ANAPC5: variants seen among roughly 807,000 people sequenced by gnomAD.
The protein encoded by ANAPC5 is anaphase promoting complex subunit 5, also known as anaphase-promoting complex subunit 5.
ANAPC5 carries 60 observed loss-of-function variants against 91.3 expected under a neutral mutation model. The observed-to-expected ratio is 0.66, with a 90% confidence interval of 0.53 to 0.81. ANAPC5 has a LOEUF of 0.81. ANAPC5 is among the 40% of genes least tolerant of loss of function. The pLI, the probability that ANAPC5 is intolerant of heterozygous loss-of-function variation, is 0.00. For synonymous variants in ANAPC5, 340 were observed against 364.1 expected (o/e 0.93, Z 0.75); for missense variants, 690 against 931.5 (o/e 0.74, Z 3.37).
At chr12:121,314,466 A>T (rs1037345465) in intron 15 of ANAPC5, among the ~76,000 whole-genome samples, 5 of 152,090 alleles carry the variant, frequency 3.3e-5, no homozygotes, top group Non-Finnish European at 4.4e-5. Context: ...GAAAAAAAAA[A>T]TTTGACAAAA....
chr12:121,314,412 AAAAC>A (rs377348221), intron 15 of ANAPC5, among the ~76,000 whole-genome samples: 28 of 152,288 alleles, frequency 1.8e-4, no homozygotes, highest in Admixed American at 4.6e-4. Context: ...CTCTATCTCA[AAAAC>A]AAACAAACAA....
chr12:121,340,898 TG>T (rs1566194425), intron 5 of ANAPC5, among the ~76,000 whole-genome samples: 1 of 152,030 alleles, frequency 6.6e-6, no homozygotes, highest in African/African-American at 2.4e-5. Flanking sequence ...TACATCTTTC[TG>T]CAGAAAGCTC....
upstream of ANAPC5, among the ~76,000 whole-genome samples, chr12:121,353,607 A>AT (rs1464604074): frequency 2.0e-5 from 3 of 151,170 alleles, no homozygotes; most frequent in African/African-American, 4.9e-5. Flanking sequence ...CGCCCGGCTA[A>AT]TTTTTTGTAT....
At chr12:121,335,800 G>C in intron 6 of ANAPC5, 77 bp from the exon 7 acceptor site, 2 of 1,240,902 alleles carry the variant, frequency 1.6e-6, no homozygotes, top group Non-Finnish European at 1.1e-6. Context: ...GAGTTCCACT[G>C]TCTACAAACA....
intron 15 of ANAPC5, 61 bp downstream of exon 15, chr12:121,318,216 A>C (rs1219539733): frequency 4.2e-6 from 6 of 1,442,476 alleles, no homozygotes; most frequent in Non-Finnish European, 5.5e-6. Flanking sequence ...ACTCAAACGT[A>C]GTCACAGACT....
intron 16 of ANAPC5, 106 bp downstream of exon 16, chr12:121,309,595 G>C: frequency 2.2e-6 from 3 of 1,334,076 alleles, no homozygotes; most frequent in African/African-American, 2.9e-5. Context: ...TGAACACTCA[G>C]AACTTAAATG....
At chr12:121,346,689 A>T (rs1455864566) in intron 3 of ANAPC5, 4 of 396,858 alleles carry the variant, frequency 1.0e-5, no homozygotes, top group Non-Finnish European at 1.8e-5. Flanking sequence ...TCTGACTCTT[A>T]CTATTGTAGA....
Position 121,308,699 on chromosome 12 carries a change from A to C in ANAPC5, c.2057-8T>G, listed in dbSNP as rs771061941. ...CGATGGCAGCCTCCAGAGCTGACGGAAAGGGGAAAATAACACACACATTTA... is the reference window on the plus strand; with the variant it reads ...CGATGGCAGCCTCCAGAGCTGACGGCAAGGGGAAAATAACACACACATTTA... On this transcript the variant is annotated splice_region_variant and splice_polypyrimidine_tract_variant and intron_variant, in intron 16 of 16. Coordinates refer to ENST00000261819, the MANE Select transcript of ANAPC5 (RefSeq NM_016237.5). 8 of 1,612,152 alleles carry C rather than the reference A, an allele frequency of 5.0e-6. No homozygotes were observed. In the African/African-American group the frequency reaches 1.1e-4, roughly 21 times the overall value.
At chr12:121,321,582 A>G (rs1902611586) in intron 11 of ANAPC5, among the ~76,000 whole-genome samples, 1 of 141,020 alleles carries the variant, frequency 7.1e-6, no homozygotes, top group Non-Finnish European at 1.5e-5. Flanking sequence ...CCCAGGCTGG[A>G]GTGCAGTGGC....
chr12:121,344,858 A>G (rs1295483252), intron 4 of ANAPC5, among the ~76,000 whole-genome samples: 6 of 152,246 alleles, frequency 3.9e-5, no homozygotes, highest in African/African-American at 1.4e-4. Context: ...CAGGTTATAC[A>G]GGCACTGAGG....
chr12:121,347,927 G>T, intron 1 of ANAPC5, 46 bp from the exon 2 acceptor site: 1 of 1,278,216 alleles, frequency 7.8e-7, no homozygotes, highest in Non-Finnish European at 1.1e-6. Context: ...AAGAGCTGGA[G>T]ACTGATAAAG....
intron 15 of ANAPC5, among the ~76,000 whole-genome samples, chr12:121,313,009 T>C (rs1902230476): frequency 1.3e-5 from 2 of 152,130 alleles, no homozygotes; most frequent in Non-Finnish European, 2.9e-5. Flanking sequence ...CTCAAATCAA[T>C]AAGCGAATCT....
At chr12:121,353,980 G>A (rs1435615504), upstream of ANAPC5, among the ~76,000 whole-genome samples, 1 of 121,364 alleles carries the variant, frequency 8.2e-6, no homozygotes, top group Non-Finnish European at 1.7e-5. Flanking sequence ...CACCATGCAT[G>A]GCTAATTTTT....
intron 13 of ANAPC5, 37 bp from the exon 14 acceptor site, chr12:121,318,645 T>A: frequency 6.6e-7 from 1 of 1,525,844 alleles, no homozygotes; most frequent in Non-Finnish European, 9.1e-7. Flanking sequence ...GTGTTTTAAC[T>A]AGTCACTTTG....
In ANAPC5 at chr12:121,315,745, C is replaced by T. The variant is rs79487416; in HGVS notation, c.1893+2532G>A. 6.9e-3 allele frequency among the ~76,000 whole-genome samples: 1,056 copies of T among 152,002 alleles called. 14 individuals carry two copies. The highest frequency in any genetic ancestry group is 0.024 in the African/African-American group (1,006 of 41,446). ...AAATGGTGCTAGAATAACCTATATC[C>T]GTATGCAGAAGAATAAGAGTGGAGC... On this transcript the variant is annotated intron_variant, in intron 15 of 16. Transcript: ENST00000261819.
At chr12:121,316,504 T>C (rs542719138) in intron 15 of ANAPC5, among the ~76,000 whole-genome samples, 4 of 151,718 alleles carry the variant, frequency 2.6e-5, no homozygotes, top group Admixed American at 6.6e-5. Context: ...GAGGCCGAGG[T>C]GGGCGGATCA....
At chr12:121,337,906 C>T (rs78982107) in intron 5 of ANAPC5, among the ~76,000 whole-genome samples, 59 of 152,224 alleles carry the variant, frequency 3.9e-4, no homozygotes, top group African/African-American at 1.4e-3. Context: ...CTGTATGGGG[C>T]CTTATGGGAG....
At chr12:121,348,187 C>T (rs1264655819) in intron 1 of ANAPC5, among the ~76,000 whole-genome samples, 1 of 152,162 alleles carries the variant, frequency 6.6e-6, no homozygotes, top group Non-Finnish European at 1.5e-5. Context: ...TAGTTTCCTT[C>T]ATCAGTAAAA....
At chr12:121,327,267 A>G (rs782298804) in intron 10 of ANAPC5, 36 bp from the exon 11 acceptor site, 1 of 1,607,346 alleles carries the variant, frequency 6.2e-7, no homozygotes. Context: ...TCCTTTCAGC[A>G]GCAGACCTGG....
Sources: gnomAD v4.1 joint callset for allele counts (sites outside exome capture counted in the v4.1 genomes callset) on GRCh38, gnomAD v4.1.1 for gene constraint, MANE v1.5 for transcripts, NCBI Gene and HGNC (gene_info 2026-07-23, HGNC 2026-07-21) for gene names.